THSD4: variants seen among roughly 807,000 people sequenced by gnomAD.
THSD4 encodes the protein thrombospondin type-1 domain-containing protein 4.
Under a neutral mutation model 119.0 loss-of-function variants are expected in THSD4, and 69 were observed. The observed-to-expected ratio is 0.58, with a 90% confidence interval of 0.48 to 0.71. The LOEUF (loss-of-function observed/expected upper bound fraction) is 0.71. Ranked by LOEUF, THSD4 falls within the 30% of genes least tolerant of loss-of-function variation. THSD4 has a pLI of 0.00. For missense variants in THSD4, 1,393 were observed against 1,391.1 expected (o/e 1.00, Z -0.02); for synonymous variants, 524 against 540.4 (o/e 0.97, Z 0.42).
intron 3 of THSD4, among the ~76,000 whole-genome samples, chr15:71,205,107 TA>T (rs2043832826): frequency 6.6e-6 from 1 of 152,202 alleles, no homozygotes; most frequent in Non-Finnish European, 1.5e-5. Context: ...CAGAGGTTCT[TA>T]TTCACTAGGT....
chr15:71,715,821 G>C (rs1404934969), intron 8 of THSD4, among the ~76,000 whole-genome samples: 1 of 150,992 alleles, frequency 6.6e-6, no homozygotes, highest in African/African-American at 2.4e-5. Flanking sequence ...TTTAACACTG[G>C]CTTCAAATAT....
chr15:71,315,496 G>A (rs559710198), intron 6 of THSD4, among the ~76,000 whole-genome samples: 2 of 152,206 alleles, frequency 1.3e-5, no homozygotes, highest in African/African-American at 4.8e-5. Flanking sequence ...CACACAGCGG[G>A]TGGTCTTCTC....
chr15:71,304,916 G>A (rs1204853231), intron 6 of THSD4, among the ~76,000 whole-genome samples: 1 of 152,214 alleles, frequency 6.6e-6, no homozygotes, highest in Non-Finnish European at 1.5e-5. Flanking sequence ...GGATCCAGAT[G>A]CCATCAAATA....
intron 3 of THSD4, among the ~76,000 whole-genome samples, chr15:71,160,584 G>A (rs1034948827): frequency 1.3e-5 from 2 of 151,820 alleles, no homozygotes; most frequent in African/African-American, 4.8e-5. Flanking sequence ...TTTATTCTGT[G>A]TTTTTAAATT....
chr15:71,534,527 A>C (rs1318651742), intron 7 of THSD4, among the ~76,000 whole-genome samples: 1 of 152,170 alleles, frequency 6.6e-6, no homozygotes, highest in Non-Finnish European at 1.5e-5. Flanking sequence ...TATTTTTCCA[A>C]ATGAGAATAA....
At chr15:71,350,506 A>C (rs892956664) in intron 6 of THSD4, among the ~76,000 whole-genome samples, 9 of 152,170 alleles carry the variant, frequency 5.9e-5, no homozygotes, top group African/African-American at 2.2e-4. Context: ...TCTCTGGCAC[A>C]TAAGGAACCA....
intron 7 of THSD4, among the ~76,000 whole-genome samples, chr15:71,458,330 G>C (rs1270786826): frequency 6.6e-6 from 1 of 152,116 alleles, no homozygotes; most frequent in African/African-American, 2.4e-5. Flanking sequence ...CCTGGGATTT[G>C]GAGCCAAAGG....
intron 16 of THSD4, chr15:71,767,800 G>A (rs945942408): frequency 6.6e-6 from 1 of 152,222 alleles, no homozygotes; most frequent in African/African-American, 2.4e-5. Context: ...ATATATGTAA[G>A]TTAGGTTGGG....
At chr15:71,328,574 C>T (rs1053383985) in intron 6 of THSD4, among the ~76,000 whole-genome samples, 8 of 152,192 alleles carry the variant, frequency 5.3e-5, no homozygotes, top group Non-Finnish European at 1.2e-4. Context: ...GATAATGCCC[C>T]CCTCTCCAGG....
At chr15:71,100,157 G>T (rs2141338563) in intron 1 of THSD4, among the ~76,000 whole-genome samples, 1 of 152,148 alleles carries the variant, frequency 6.6e-6, no homozygotes, top group East Asian at 1.9e-4. Flanking sequence ...GATTTATATT[G>T]TTGTTTAATC....
rs16955543 is a variant in THSD4, at chr15:71,391,561, G to A, written c.1016-20126G>A. Among the ~76,000 whole-genome samples, 3 of 152,176 alleles carry A rather than the reference G, an allele frequency of 2.0e-5. No homozygotes were observed. The East Asian group carries it at 5.8e-4, about 29-fold the overall frequency. ...AGGTGAAGTCAGGGAACTGAGTCTA[G>A]GGAAAAAGCCAGTGTCACACACCTG... On this transcript the variant is annotated intron_variant, in intron 6 of 17. Coordinates refer to ENST00000261862, the MANE Select transcript of THSD4 (RefSeq NM_024817.3).
chr15:71,224,789 C>T (rs1171370849), intron 4 of THSD4, among the ~76,000 whole-genome samples: 1 of 152,154 alleles, frequency 6.6e-6, no homozygotes, highest in African/African-American at 2.4e-5. Context: ...AATCTCATCT[C>T]GTTCTCTGAC....
At chr15:71,416,613 A>G (rs2046761195) in intron 7 of THSD4, among the ~76,000 whole-genome samples, 1 of 108,912 alleles carries the variant, frequency 9.2e-6, no homozygotes, top group South Asian at 2.9e-4. Context: ...AGGTTTCTAT[A>G]TACCTCTTTT....
intron 10 of THSD4, chr15:71,733,467 C>G (rs1478437901): frequency 6.6e-6 from 1 of 152,198 alleles, no homozygotes; most frequent in Non-Finnish European, 1.5e-5. Context: ...GAGCCCAGAA[C>G]AAGGCACTGA....
chr15:71,724,274 TATATATATATA>T lies in THSD4; in HGVS notation c.1358-4274_1358-4264del, dbSNP rs1368788103. Among the ~76,000 whole-genome samples the T allele has an allele frequency of 1.9e-4, 6 of 31,836 alleles. 1 individual carries two copies. Among genetic ancestry groups the T allele is most frequent in the Non-Finnish European group, 4.6e-4 (5 of 10,932 alleles). The allele number at this position is 31,836 out of a possible 152,430, so 20.9% of individuals were successfully genotyped here. A position where few individuals can be genotyped will look rare whatever the true frequency, so the allele number is the denominator to read the frequency against. ...GGAGGCCTCTATGATGGGATATATA[TATATATATATA>T]TATTTTTTTTTTCCCCCCAAGATGG... is the stretch of plus-strand genomic sequence containing the variant. On this transcript the variant is annotated intron_variant, in intron 8 of 17. Transcript: ENST00000261862.
intron 4 of THSD4, among the ~76,000 whole-genome samples, chr15:71,221,281 A>G (rs1404788822): frequency 6.6e-6 from 1 of 152,346 alleles, no homozygotes; most frequent in Admixed American, 6.5e-5. Flanking sequence ...TAAAATACAC[A>G]TAACATAAAA....
intron 4 of THSD4, among the ~76,000 whole-genome samples, chr15:71,238,890 C>T (rs138311227): frequency 1.3e-5 from 2 of 152,310 alleles, no homozygotes; most frequent in African/African-American, 2.4e-5. Flanking sequence ...AAAGTGACTA[C>T]ACCATTTTAC....
At chr15:71,501,580 C>T (rs547891459) in intron 7 of THSD4, among the ~76,000 whole-genome samples, 18 of 152,290 alleles carry the variant, frequency 1.2e-4, no homozygotes, top group South Asian at 6.2e-4. Flanking sequence ...AGAAGCATTT[C>T]GACATAGCAA....
chr15:71,679,847 G>C (rs1463679809), intron 8 of THSD4, among the ~76,000 whole-genome samples: 1 of 152,226 alleles, frequency 6.6e-6, no homozygotes, highest in Admixed American at 6.5e-5. Flanking sequence ...TGGCCTATAG[G>C]AAGAGTCTGA....
Sources: allele counts gnomAD v4.1 joint callset (sites outside exome capture counted in the v4.1 genomes callset), GRCh38; gene constraint gnomAD v4.1.1; transcripts MANE v1.5; gene names NCBI Gene and HGNC (gene_info 2026-07-23, HGNC 2026-07-21).